The following TUT4 variants were observed in gnomAD, a reference collection of about 807,000 sequenced individuals.
TUT4 encodes the protein terminal uridylyl transferase 4.
A neutral mutation model predicts 192.2 loss-of-function variants in TUT4; 36 were observed. That is an observed-to-expected ratio of 0.19 (90% CI 0.14 to 0.25). TUT4 has a LOEUF of 0.25. TUT4 is among the 10% of genes least tolerant of loss of function. The probability of loss-of-function intolerance (pLI) is 1.00; values close to 1 mark genes in which losing one functional copy is unlikely to be tolerated. For missense variants in TUT4, 1,493 were observed against 1,957.2 expected (o/e 0.76, Z 4.47); for synonymous variants, 618 against 666.0 (o/e 0.93, Z 1.11).
intron 29 of TUT4, chr1:52,425,082 C>T (rs190267403): frequency 4.9e-4 from 146 of 300,206 alleles, no homozygotes; most frequent in African/African-American, 2.8e-3. Context: ...AAATCCACAT[C>T]CTGTTTGGAT....
chr1:52,532,034 T>C (rs2149526293), intron 1 of TUT4, among the ~76,000 whole-genome samples: 1 of 151,746 alleles, frequency 6.6e-6, no homozygotes, highest in Admixed American at 6.6e-5. Flanking sequence ...ACTACAAGCG[T>C]GTGCTACCAC....
At chr1:52,464,057 T>C (rs182477586) in intron 16 of TUT4, among the ~76,000 whole-genome samples, 8 of 152,282 alleles carry the variant, frequency 5.3e-5, no homozygotes, top group Non-Finnish European at 1.0e-4. Flanking sequence ...CTGTGTGAAC[T>C]TGGACAAGTC....
At chr1:52,442,936 T>C (rs1656115796) in intron 24 of TUT4, among the ~76,000 whole-genome samples, 1 of 152,210 alleles carries the variant, frequency 6.6e-6, no homozygotes, top group African/African-American at 2.4e-5. Flanking sequence ...TTTGCATGCA[T>C]AAACTAAAAT....
At chr1:52,456,174 C>G (rs758998797) in intron 20 of TUT4, among the ~76,000 whole-genome samples, 1 of 151,796 alleles carries the variant, frequency 6.6e-6, no homozygotes, top group Non-Finnish European at 1.5e-5. Context: ...GAGGCCGGGG[C>G]GGGTGGATCA....
chr1:52,438,009 A>C (rs1654362847), intron 25 of TUT4, among the ~76,000 whole-genome samples: 1 of 152,152 alleles, frequency 6.6e-6, no homozygotes, highest in Admixed American at 6.6e-5. Context: ...GAGTGAATTA[A>C]TGAATAAATG....
At chr1:52,489,899 T>C (rs141781116) in intron 8 of TUT4, among the ~76,000 whole-genome samples, 271 of 152,328 alleles carry the variant, frequency 1.8e-3, no homozygotes, top group African/African-American at 6.4e-3. Flanking sequence ...TACAAGTTAA[T>C]AATCAATAAA....
chr1:52,447,614 C>G (rs1657952489), intron 20 of TUT4, among the ~76,000 whole-genome samples: 1 of 151,962 alleles, frequency 6.6e-6, no homozygotes, highest in Non-Finnish European at 1.5e-5. Flanking sequence ...GAAAAGTATC[C>G]CGTAAGATGT....
chr1:52,456,042 G>C (rs533367976), intron 20 of TUT4, among the ~76,000 whole-genome samples: 1 of 152,250 alleles, frequency 6.6e-6, no homozygotes, highest in East Asian at 1.9e-4. Flanking sequence ...AAGTAAAACA[G>C]ATATTTTTCC....
At chr1:52,491,415 C>T (rs1671107728) in intron 7 of TUT4, among the ~76,000 whole-genome samples, 1 of 152,172 alleles carries the variant, frequency 6.6e-6, no homozygotes, top group South Asian at 2.1e-4. Flanking sequence ...ATTGGCCGGG[C>T]ATGGTGGCTC....
intron 28 of TUT4, among the ~76,000 whole-genome samples, chr1:52,427,267 ATGAG>A (rs1022732607): frequency 5.3e-5 from 8 of 152,114 alleles, no homozygotes; most frequent in African/African-American, 1.9e-4. Context: ...AAAATGGAGG[ATGAG>A]TGAGTTAGCC....
At chr1:52,489,516 CTAATA>C (rs2149066895) in intron 8 of TUT4, among the ~76,000 whole-genome samples, 1 of 152,250 alleles carries the variant, frequency 6.6e-6, no homozygotes, top group South Asian at 2.1e-4. Flanking sequence ...CACAATTGTA[CTAATA>C]TGTTATTTTC....
chr1:52,526,360 T>C lies in TUT4; in HGVS notation c.-80A>G. The C allele has an allele frequency of 8.1e-7, 1 of 1,242,014 alleles. No homozygotes were observed. Among genetic ancestry groups the C allele is most frequent in the East Asian group, 2.8e-5 (1 of 36,268 alleles). 76.9% of individuals were successfully genotyped at this position (1,242,014 alleles called of 1,614,324 possible). A position where few individuals can be genotyped will look rare whatever the true frequency, so the allele number is the denominator to read the frequency against. ...GTAGTTTAAATTGCTTCAAGTCCAGTTTAGGCAAGCAAACTATTGGGTTAA... is the reference window on the plus strand; with the variant it reads ...GTAGTTTAAATTGCTTCAAGTCCAGCTTAGGCAAGCAAACTATTGGGTTAA... On this transcript the variant is annotated 5_prime_UTR_variant, in exon 2 of 30. Coordinates refer to ENST00000257177, the MANE Select transcript of TUT4 (RefSeq NM_001009881.3).
At chr1:52,505,610 G>A (rs760503232) in intron 4 of TUT4, among the ~76,000 whole-genome samples, 1 of 151,698 alleles carries the variant, frequency 6.6e-6, no homozygotes, top group Non-Finnish European at 1.5e-5. Flanking sequence ...TTAGTGGAGA[G>A]GGGGTTTCGC....
rs1041063053 is a variant in TUT4 at position 52,426,044 on chromosome 1, A to C, written c.4712-537T>G. On this transcript the variant is annotated intron_variant, in intron 28 of 29. Transcript: ENST00000257177. ...GGGGATATACATTTCAAAAAACCTT[A>C]GTACATCATGCAAAGGAACTTAAGA... 3.3e-5 allele frequency among the ~76,000 whole-genome samples: 5 copies of C among 152,184 alleles called. No individual in the cohort carries two copies. In the East Asian group the frequency reaches 9.6e-4, roughly 29 times the overall value.
intron 6 of TUT4, among the ~76,000 whole-genome samples, chr1:52,494,158 A>T (rs1671880607): frequency 1.3e-5 from 2 of 152,072 alleles, no homozygotes; most frequent in Non-Finnish European, 2.9e-5. Flanking sequence ...CTAATAAATG[A>T]TATAGCACTT....
intron 13 of TUT4, among the ~76,000 whole-genome samples, chr1:52,474,328 T>A (rs995311079): frequency 3.2e-4 from 48 of 152,310 alleles, no homozygotes; most frequent in African/African-American, 1.2e-3. Flanking sequence ...AGAAACAGAA[T>A]CTGGATTCTT....
rs1224394726 is a variant in TUT4 at position 52,526,097 on chromosome 1, C to A, written c.184G>T (p.Asp62Tyr). The A allele has an allele frequency of 2.5e-6, 4 of 1,609,472 alleles. No homozygotes were observed. The highest frequency in any genetic ancestry group is 2.5e-6 in the Non-Finnish European group (3 of 1,178,928). The change falls in exon 2 of 30, where the codon GAT (aspartate) becomes TAT (tyrosine). Residue 62 changes from aspartate (D) to tyrosine (Y), a missense_variant. This residue lies in a region of TUT4 where 260 missense variants were observed against 247.8 expected (regional missense o/e 1.05). Coordinates refer to ENST00000257177, the MANE Select transcript of TUT4 (RefSeq NM_001009881.3). ...RNSSKKNKQN[D>Y]ICIEKTEVKS... ...ACTTCTGTTTTTTCTATACAAATATCATTTTGCTTATTTTTTTTACTACTA... is the reference window on the plus strand; with the variant it reads ...ACTTCTGTTTTTTCTATACAAATATAATTTTGCTTATTTTTTTTACTACTA...
intron 1 of TUT4, among the ~76,000 whole-genome samples, chr1:52,541,032 A>T (rs1023069958): frequency 1.3e-5 from 2 of 151,476 alleles, no homozygotes; most frequent in African/African-American, 4.9e-5. Flanking sequence ...ATGGTAAAAC[A>T]CTGTCTCTAC....
intron 11 of TUT4, among the ~76,000 whole-genome samples, chr1:52,479,979 A>G (rs1570759416): frequency 6.9e-6 from 1 of 144,216 alleles, no homozygotes; most frequent in East Asian, 2.1e-4. Flanking sequence ...TGGGCGACAG[A>G]GCGAGACTCC....
Sources: gnomAD v4.1 joint callset for allele counts (sites outside exome capture counted in the v4.1 genomes callset) on GRCh38, gnomAD v4.1.1 for gene constraint, gnomAD v4.1.1 regional missense constraint, MANE v1.5 for transcripts, NCBI Gene and HGNC (gene_info 2026-07-23, HGNC 2026-07-21) for gene names.